Variants in PKHD1 observed in about 807,000 individuals in gnomAD.
PKHD1 encodes PKHD1 ciliary IPT domain containing fibrocystin/polyductin.
Under a neutral mutation model 412.0 loss-of-function variants are expected in PKHD1, and 291 were observed. That is an observed-to-expected ratio of 0.71 (90% CI 0.64 to 0.78). The LOEUF is 0.78. Ranked by LOEUF, PKHD1 falls within the 30% of genes least tolerant of loss-of-function variation. The pLI is 0.00. For synonymous variants in PKHD1, 1,777 were observed against 1,821.5 expected (o/e 0.98, Z 0.62); for missense variants, 4,825 against 4,950.7 (o/e 0.97, Z 0.76).
At chr6:52,053,973 T>C in intron 20 of PKHD1, 65 bp downstream of exon 20, 1 of 1,562,422 alleles carries the variant, frequency 6.4e-7, no homozygotes, top group Non-Finnish European at 8.8e-7. Flanking sequence ...TGGGTAACTG[T>C]CCCCAAAACA....
At chr6:52,083,122 T>C (rs1254455274) in intron 3 of PKHD1, 56 bp downstream of exon 3, 2 of 1,165,492 alleles carry the variant, frequency 1.7e-6, no homozygotes, top group African/African-American at 1.5e-5. Flanking sequence ...ACTCATAGTC[T>C]TTAGGATTGT....
At chr6:51,860,810 TTTA>T (rs950602169) in intron 48 of PKHD1, among the ~76,000 whole-genome samples, 1 of 151,828 alleles carries the variant, frequency 6.6e-6, no homozygotes, top group African/African-American at 2.4e-5. Flanking sequence ...TATTTTTTAT[TTTA>T]TTATTATTAT....
At chr6:51,695,982 C>G (rs1287932750) in intron 60 of PKHD1, among the ~76,000 whole-genome samples, 1 of 152,166 alleles carries the variant, frequency 6.6e-6, no homozygotes, top group African/African-American at 2.4e-5. Context: ...TGAAAAATAA[C>G]CTGTTCCACA....
intron 62 of PKHD1, 29 bp downstream of exon 62, chr6:51,649,056 A>G (rs1468506507): frequency 6.2e-7 from 1 of 1,606,650 alleles, no homozygotes; most frequent in Admixed American, 1.7e-5. Context: ...TTAGCTCTAA[A>G]GACAGATTTG....
At chr6:51,632,277 G>C (rs1768021667) in intron 65 of PKHD1, among the ~76,000 whole-genome samples, 1 of 151,890 alleles carries the variant, frequency 6.6e-6, no homozygotes, top group African/African-American at 2.4e-5. Flanking sequence ...CACCTCATTG[G>C]GTTGTTGTGT....
At chr6:52,013,739 G>A (rs1800095326) in intron 34 of PKHD1, among the ~76,000 whole-genome samples, 1 of 152,160 alleles carries the variant, frequency 6.6e-6, no homozygotes, top group East Asian at 1.9e-4. Context: ...GGCAAAGATT[G>A]TTCTAGTATC....
At chr6:51,683,214 C>T (rs1236499825) in intron 60 of PKHD1, among the ~76,000 whole-genome samples, 2 of 152,026 alleles carry the variant, frequency 1.3e-5, no homozygotes, top group African/African-American at 2.4e-5. Flanking sequence ...AGTTCAATGA[C>T]TCCTCCTGAA....
At chr6:52,015,406 A>G (rs907595011) in intron 34 of PKHD1, among the ~76,000 whole-genome samples, 6 of 152,248 alleles carry the variant, frequency 3.9e-5, no homozygotes, top group African/African-American at 1.2e-4. Flanking sequence ...TTGTCCTCTG[A>G]CGATTGCATT....
chr6:51,637,016 T>C (rs1768665959), intron 64 of PKHD1, among the ~76,000 whole-genome samples: 1 of 152,186 alleles, frequency 6.6e-6, no homozygotes, highest in Non-Finnish European at 1.5e-5. Context: ...AAGTAGAAAC[T>C]ACAATAAAGC....
chr6:51,619,748 T>C (rs866686339), intron 66 of PKHD1, among the ~76,000 whole-genome samples: 25 of 107,352 alleles, frequency 2.3e-4, no homozygotes, highest in Middle Eastern at 4.9e-3. Context: ...TGAATGAGGA[T>C]TTTTCATTGT....
At position 52,008,725 on chromosome 6, in the gene PKHD1, G is replaced by A. The variant is rs116271068; in HGVS notation, c.5751+1584C>T. On this transcript the variant is annotated intron_variant, in intron 35 of 66. Coordinates refer to ENST00000371117, the MANE Select transcript of PKHD1 (RefSeq NM_138694.4). The stretch of plus-strand genomic sequence containing the variant: ...TGTGTGAGATGCAGCTCTCAGTGGC[G>A]CACACCAACCCTATGAAGTGGGAAC... Among the ~76,000 whole-genome samples the A allele has an allele frequency of 5.4e-3, 817 of 152,104 alleles. 7 individuals carry two copies. Among genetic ancestry groups the A allele is most frequent in the Non-Finnish European group, 6.2e-3 (424 of 68,004 alleles).
At chr6:51,788,015 G>A (rs1356559346) in intron 53 of PKHD1, among the ~76,000 whole-genome samples, 5 of 152,148 alleles carry the variant, frequency 3.3e-5, no homozygotes, top group African/African-American at 1.2e-4. Context: ...GTGAGGAAAA[G>A]ACCAGACTTC....
At chr6:51,638,357 TG>T (rs1375458917) in intron 64 of PKHD1, among the ~76,000 whole-genome samples, 1 of 152,128 alleles carries the variant, frequency 6.6e-6, no homozygotes, top group Non-Finnish European at 1.5e-5. Flanking sequence ...CGCCAGAGGG[TG>T]TTTTTTTTAC....
At chr6:51,808,886 C>T (rs1326587) in intron 52 of PKHD1, among the ~76,000 whole-genome samples, 114,362 of 151,960 alleles carry the variant, frequency 0.75, 43,304 homozygotes, top group East Asian at 0.97. Flanking sequence ...AACTCCATTA[C>T]CTTGCATAGA....
At chr6:51,741,516 A>G (rs10948642) in intron 60 of PKHD1, among the ~76,000 whole-genome samples, 48,694 of 152,006 alleles carry the variant, frequency 0.32, 9,678 homozygotes, top group East Asian at 0.68. Context: ...AAGTCCTGAC[A>G]GAAAAGAAAG....
intron 50 of PKHD1, among the ~76,000 whole-genome samples, chr6:51,845,530 CT>C (rs1392477273): frequency 6.6e-6 from 1 of 152,168 alleles, no homozygotes; most frequent in Non-Finnish European, 1.5e-5. Flanking sequence ...CCTTTTCCAA[CT>C]CATATTCAAA....
At position 51,792,094 on chromosome 6, in the gene PKHD1, A is replaced by G. The variant is rs1793854491; in HGVS notation, c.8303-721T>C. On this transcript the variant is annotated intron_variant, in intron 52 of 66. Coordinates refer to ENST00000371117, the MANE Select transcript of PKHD1 (RefSeq NM_138694.4). Reference sequence around the variant, plus strand: ...GCTTACTGGACAATTTAAAATCATTATATTTTATTTCCCCTTTCATAAAAG... The same window carrying G: ...GCTTACTGGACAATTTAAAATCATTGTATTTTATTTCCCCTTTCATAAAAG... Among the ~76,000 whole-genome samples, 3 of 152,180 alleles carry G rather than the reference A, an allele frequency of 2.0e-5. No individual in the cohort carries two copies. The South Asian group carries it at 6.2e-4, about 32-fold the overall frequency.
chr6:52,066,418 C>T (rs1447941541), intron 11 of PKHD1, among the ~76,000 whole-genome samples: 3 of 152,132 alleles, frequency 2.0e-5, no homozygotes, highest in South Asian at 4.1e-4. Flanking sequence ...AGTTACAACA[C>T]AAGGAGGAAT....
intron 40 of PKHD1, among the ~76,000 whole-genome samples, 199 bp downstream of exon 40, chr6:51,909,084 A>G (rs553618861): frequency 2.6e-5 from 4 of 152,286 alleles, no homozygotes; most frequent in Non-Finnish European, 4.4e-5. Flanking sequence ...GGTAAGGTCT[A>G]TAACTCTGAA....
Sources: gnomAD v4.1 joint callset for allele counts (sites outside exome capture counted in the v4.1 genomes callset) on GRCh38, gnomAD v4.1.1 for gene constraint, MANE v1.5 for transcripts, NCBI Gene and HGNC (gene_info 2026-07-23, HGNC 2026-07-21) for gene names.